The following DDX52 variants were observed in gnomAD, a reference collection of about 807,000 sequenced individuals.
DDX52 encodes DExD-box helicase 52, also known as probable ATP-dependent RNA helicase DDX52.
A neutral mutation model predicts 76.1 loss-of-function variants in DDX52; 59 were observed. The ratio of observed to expected loss-of-function variants is 0.78; its 90% CI spans 0.63 to 0.96. DDX52 has a LOEUF of 0.96. Among genes scored for constraint, DDX52 ranks in the 40% least tolerant of loss-of-function variants. The pLI, the probability that DDX52 is intolerant of heterozygous loss-of-function variation, is 0.00. For synonymous variants in DDX52, 231 were observed against 244.1 expected (o/e 0.95, Z 0.50); for missense variants, 707 against 703.9 (o/e 1.00, Z -0.05).
At chr17:37,628,535 C>G (rs1041169100) in intron 6 of DDX52, 26 bp downstream of exon 6, 1 of 1,530,156 alleles carries the variant, frequency 6.5e-7, no homozygotes, top group African/African-American at 1.4e-5. Context: ...CATGCTCTAT[C>G]TACATCCCAT....
chr17:37,640,682 T>G (rs1421313195), intron 2 of DDX52, among the ~76,000 whole-genome samples: 2 of 101,332 alleles, frequency 2.0e-5, no homozygotes, highest in African/African-American at 4.5e-5. Flanking sequence ...TAGAGTACAG[T>G]ACAAGAAAAA....
At chr17:37,627,103 G>C (rs2030421253) in intron 6 of DDX52, among the ~76,000 whole-genome samples, 2 of 152,190 alleles carry the variant, frequency 1.3e-5, no homozygotes, top group African/African-American at 4.8e-5. Flanking sequence ...ATAGCTCACT[G>C]CATGCAACTT....
At chr17:37,633,939 C>A (rs1182721556) in intron 2 of DDX52, among the ~76,000 whole-genome samples, 1 of 141,702 alleles carries the variant, frequency 7.1e-6, no homozygotes, top group Non-Finnish European at 1.5e-5. Context: ...AAATTTCTTT[C>A]CTTTTTTTTT....
intron 14 of DDX52, among the ~76,000 whole-genome samples, chr17:37,617,251 A>G (rs936664715): frequency 3.3e-5 from 5 of 152,262 alleles, no homozygotes; most frequent in Admixed American, 2.0e-4. Context: ...ATAACTGGAT[A>G]TAAGCATTAG....
rs1272632272 is a variant in DDX52, at chr17:37,612,259, A to G, written c.*2037T>C. The G allele has an allele frequency of 6.6e-6, 1 of 151,950 alleles. No homozygotes were observed. The highest frequency in any genetic ancestry group is 1.9e-4 in the East Asian group (1 of 5,190). The allele number at this position is 151,950 out of a possible 1,614,324, so 9.4% of individuals were successfully genotyped here. On this transcript the variant is annotated 3_prime_UTR_variant, in exon 15 of 15. Coordinates refer to ENST00000617633, the MANE Select transcript of DDX52 (RefSeq NM_007010.5). ...AACTTTTTTTGGTATTTTTTTTAGTAGAGATGGGGTTTTGCCATGTTGCCC... is the reference window on the plus strand; with the variant it reads ...AACTTTTTTTGGTATTTTTTTTAGTGGAGATGGGGTTTTGCCATGTTGCCC...
intron 14 of DDX52, among the ~76,000 whole-genome samples, chr17:37,614,687 TAAC>T (rs2064404535): frequency 6.6e-6 from 1 of 152,218 alleles, no homozygotes; most frequent in Admixed American, 6.5e-5. Flanking sequence ...GTAATTTTCC[TAAC>T]AACTTATGAG....
rs1204788865 is a variant in DDX52 at position 37,610,597 on chromosome 17, G to C, written c.*3699C>G. Reference sequence around the variant, plus strand: ...GGTAATAATTTGTAATAAGTTATTAGGCACAAACCACTGGTCAGGAACTGT... The same window carrying C: ...GGTAATAATTTGTAATAAGTTATTACGCACAAACCACTGGTCAGGAACTGT... On this transcript the variant is annotated 3_prime_UTR_variant, in exon 15 of 15. Coordinates refer to ENST00000617633, the MANE Select transcript of DDX52 (RefSeq NM_007010.5). 6 of 152,064 alleles carry C rather than the reference G, an allele frequency of 3.9e-5. No individual in the cohort carries two copies. The highest frequency in any genetic ancestry group is 3.3e-4 in the Admixed American group (5 of 15,264). The allele number at this position is 152,064 out of a possible 1,614,324, so 9.4% of individuals were successfully genotyped here. A position where few individuals can be genotyped will look rare whatever the true frequency, so the allele number is the denominator to read the frequency against.
intron 1 of DDX52, chr17:37,642,918 A>G (rs1404336308): frequency 1.2e-5 from 2 of 162,036 alleles, no homozygotes; most frequent in African/African-American, 4.8e-5. Flanking sequence ...AATAAAAAGA[A>G]TCACGCCCAG....
At chr17:37,628,957 C>T in intron 5 of DDX52, among the ~76,000 whole-genome samples, 3 of 152,266 alleles carry the variant, frequency 2.0e-5, no homozygotes, top group Middle Eastern at 6.8e-3. Context: ...GGGGCTCACA[C>T]CTGTAATCCC....
intron 14 of DDX52, among the ~76,000 whole-genome samples, chr17:37,616,677 T>TAAAAAAAAAAAAAAAAAAA (rs2064430649): frequency 1.3e-5 from 2 of 148,424 alleles, no homozygotes; most frequent in African/African-American, 5.1e-5. Context: ...AAAAAAAAAG[T>TAAAAAAAAAAAAAAAAAAA]AAATGTGATT....
At chr17:37,618,992 C>T (rs975657392) in intron 13 of DDX52, among the ~76,000 whole-genome samples, 28 of 152,208 alleles carry the variant, frequency 1.8e-4, no homozygotes, top group Admixed American at 3.3e-4. Flanking sequence ...TGATTTTGAT[C>T]AATTAAGTTT....
At chr17:37,624,496 T>A in intron 8 of DDX52, 62 bp from the exon 9 acceptor site, 2 of 1,304,054 alleles carry the variant, frequency 1.5e-6, no homozygotes, top group Non-Finnish European at 2.1e-6. Flanking sequence ...CCCTGAACTC[T>A]AAATAAATGA....
At chr17:37,628,023 C>G (rs2030478718) in intron 6 of DDX52, among the ~76,000 whole-genome samples, 2 of 152,080 alleles carry the variant, frequency 1.3e-5, no homozygotes, top group Non-Finnish European at 2.9e-5. Flanking sequence ...AAGCAATCCT[C>G]CCACCTCAGC....
chr17:37,615,599 G>C (rs2064415403), intron 14 of DDX52, among the ~76,000 whole-genome samples: 1 of 152,176 alleles, frequency 6.6e-6, no homozygotes, highest in African/African-American at 2.4e-5. Context: ...AGGACTGCTT[G>C]AGCCCAGGAG....
intron 13 of DDX52, among the ~76,000 whole-genome samples, chr17:37,619,524 A>G (rs1449140601): frequency 6.6e-6 from 1 of 151,980 alleles, no homozygotes; most frequent in Non-Finnish European, 1.5e-5. Flanking sequence ...TTAACACAGC[A>G]AGACCCCATT....
chr17:37,620,190 A>G (rs2030012067), intron 12 of DDX52: 2 of 213,488 alleles, frequency 9.4e-6, no homozygotes, highest in South Asian at 2.3e-4. Flanking sequence ...ACCGTTGCCA[A>G]GTTTTTTGTG....
intron 9 of DDX52, among the ~76,000 whole-genome samples, chr17:37,623,358 G>C (rs2030198793): frequency 6.6e-6 from 1 of 151,700 alleles, no homozygotes; most frequent in South Asian, 2.1e-4. Context: ...CCAGGAGGCA[G>C]AGCTTGCAGT....
At position 37,621,164 on chromosome 17, in the gene DDX52, G is replaced by A; in HGVS notation, c.1464C>T (p.Asp488=). The stretch of plus-strand genomic sequence containing the variant: ...TATATTCCACTGAGCTAGTTGGAAA[G>A]TCATAGTTGATCACCAAGTTCACAC... ...FKGVNLVINY[D]FPTSSVEYIH... Residue 488 remains aspartate, a synonymous_variant, in exon 11 of 15, where the codon GAC becomes GAT. Coordinates refer to ENST00000617633, the MANE Select transcript of DDX52 (RefSeq NM_007010.5). 6.2e-7 allele frequency: 1 copy of A among 1,613,500 alleles called. No individual in the cohort carries two copies. Among genetic ancestry groups the A allele is most frequent in the East Asian group, 2.2e-5 (1 of 44,870 alleles).
chr17:37,618,039 C>G (rs369604142), intron 14 of DDX52, among the ~76,000 whole-genome samples: 2 of 152,076 alleles, frequency 1.3e-5, no homozygotes, highest in East Asian at 3.8e-4. Context: ...GGCTTGAACC[C>G]GGGAGGCAGA....
Sources: allele counts gnomAD v4.1 joint callset (sites outside exome capture counted in the v4.1 genomes callset), GRCh38; gene constraint gnomAD v4.1.1; transcripts MANE v1.5; gene names NCBI Gene and HGNC (gene_info 2026-07-23, HGNC 2026-07-21).